FNBP4: variants seen among roughly 807,000 people sequenced by gnomAD.
The protein encoded by FNBP4 is formin-binding protein 4.
In FNBP4, 34 loss-of-function variants were observed where a neutral mutation model predicts 119.3. The ratio of observed to expected loss-of-function variants is 0.28; its 90% CI spans 0.22 to 0.38. FNBP4 has a LOEUF of 0.38. Ranked by LOEUF, FNBP4 falls within the 10% of genes least tolerant of loss-of-function variation. FNBP4 has a pLI of 1.00. For missense variants in FNBP4, 1,112 were observed against 1,228.9 expected (o/e 0.90, Z 1.42); for synonymous variants, 462 against 430.6 (o/e 1.07, Z -0.90).
chr11:47,733,073 A>G lies in FNBP4; in HGVS notation c.1687-403T>C, dbSNP rs1339189536. ...GCGGAGGTTGTGGTGAGCCGAGATC[A>G]TGCCATTGCACTCCAGCCTGGGCGA... is the stretch of plus-strand genomic sequence containing the variant. On this transcript the variant is annotated intron_variant, in intron 10 of 16. Transcript: ENST00000263773. Among the ~76,000 whole-genome samples the G allele has an allele frequency of 3.3e-5, 5 of 152,314 alleles. No individual in the cohort carries two copies. The South Asian group carries it at 8.3e-4, about 25-fold the overall frequency.
intron 8 of FNBP4, among the ~76,000 whole-genome samples, chr11:47,742,618 T>C (rs181344339): frequency 6.6e-6 from 1 of 151,872 alleles, no homozygotes; most frequent in African/African-American, 2.4e-5. Flanking sequence ...CTAGGGGTGC[T>C]GGCTCATGCC....
chr11:47,730,007 A>G (rs1263443751), intron 12 of FNBP4: 1 of 985,358 alleles, frequency 1.0e-6, no homozygotes, highest in African/African-American at 1.7e-5. Context: ...TTTACCAGAC[A>G]GTATCAACTA....
intron 2 of FNBP4, among the ~76,000 whole-genome samples, chr11:47,760,295 T>C (rs2097630863): frequency 6.6e-6 from 1 of 150,414 alleles, no homozygotes; most frequent in Non-Finnish European, 1.5e-5. Context: ...AGAGTCTTGC[T>C]CTGTCACCCA....
intron 2 of FNBP4, among the ~76,000 whole-genome samples, chr11:47,761,438 T>A (rs780251529): frequency 6.6e-6 from 1 of 151,820 alleles, no homozygotes; most frequent in Non-Finnish European, 1.5e-5. Flanking sequence ...ACTAAAAATA[T>A]AAAATTAGCT....
chr11:47,741,482 G>C (rs2097581948), intron 8 of FNBP4, among the ~76,000 whole-genome samples: 1 of 151,666 alleles, frequency 6.6e-6, no homozygotes, highest in Admixed American at 6.6e-5. Flanking sequence ...CATAACTATG[G>C]TATGTTCACT....
intron 6 of FNBP4, among the ~76,000 whole-genome samples, chr11:47,747,370 A>C (rs1212557856): frequency 2.0e-5 from 3 of 151,882 alleles, no homozygotes; most frequent in African/African-American, 7.3e-5. Context: ...AAGCCTGGCT[A>C]ATTTTTTTTG....
At chr11:47,745,485 G>A (rs1316672114) in intron 7 of FNBP4, among the ~76,000 whole-genome samples, 1 of 152,004 alleles carries the variant, frequency 6.6e-6, no homozygotes, top group Non-Finnish European at 1.5e-5. Context: ...TTATTAGGGT[G>A]GGGAAAAACC....
chr11:47,754,686 G>C (rs767640671), intron 2 of FNBP4, 22 bp from the exon 3 acceptor site: 1 of 1,609,396 alleles, frequency 6.2e-7, no homozygotes, highest in Non-Finnish European at 8.5e-7. Context: ...AAGGTAAACA[G>C]TATTTGTAAC....
intron 15 of FNBP4, 131 bp downstream of exon 15, chr11:47,722,844 GC>G: frequency 9.7e-7 from 1 of 1,029,186 alleles, no homozygotes; most frequent in South Asian, 1.9e-5. Context: ...GCCCGCCTCG[GC>G]CTCCCAAAGT....
intron 2 of FNBP4, among the ~76,000 whole-genome samples, chr11:47,756,024 GA>G (rs2097617074): frequency 6.6e-6 from 1 of 152,120 alleles, no homozygotes; most frequent in African/African-American, 2.4e-5. Context: ...AGTTAAAAAC[GA>G]AGCTTTTAAT....
intron 1 of FNBP4, among the ~76,000 whole-genome samples, chr11:47,766,230 C>T (rs907594921): frequency 6.6e-6 from 1 of 152,050 alleles, no homozygotes; most frequent in African/African-American, 2.4e-5. Context: ...GGGAGGATCG[C>T]TTGAACCCGG....
intron 2 of FNBP4, among the ~76,000 whole-genome samples, chr11:47,759,198 G>A (rs1421707755): frequency 1.4e-5 from 2 of 138,174 alleles, no homozygotes; most frequent in East Asian, 2.2e-4. Context: ...GGGATTACAG[G>A]TGTGAGACCT....
At position 47,751,265 on chromosome 11, in the gene FNBP4, C is replaced by T. The variant is rs770191590; in HGVS notation, c.663G>A (p.Gln221=). The T allele has an allele frequency of 6.2e-7, 1 of 1,614,096 alleles. No homozygotes were observed. The highest frequency in any genetic ancestry group is 1.3e-5 in the African/African-American group (1 of 75,044). ...ATCCCGTGTTCTCATCCCAGACTTC[C>T]TGCCAATCGCCCATCTCAATTCCGA... ...AGVGIEMGDW[Q]EVWDENTGCY... is the part of the protein sequence containing the mutation. The change falls in exon 5 of 17, where the codon CAG becomes CAA. Residue 221 remains glutamine (Q), a synonymous_variant. Coordinates refer to ENST00000263773, the MANE Select transcript of FNBP4 (RefSeq NM_015308.5).
chr11:47,766,146 T>C (rs541829255), intron 1 of FNBP4, among the ~76,000 whole-genome samples: 2 of 151,934 alleles, frequency 1.3e-5, no homozygotes, highest in Non-Finnish European at 2.9e-5. Context: ...GAACTCCGTC[T>C]CTACTGAAAA....
intron 12 of FNBP4, chr11:47,726,387 A>AC (rs1409467520): frequency 6.9e-6 from 1 of 145,526 alleles, no homozygotes; most frequent in Non-Finnish European, 1.5e-5. Context: ...GGTGTGCATC[A>AC]CCACACCTGC....
At chr11:47,743,690 G>C (rs749756630) in intron 8 of FNBP4, 2 of 452,332 alleles carry the variant, frequency 4.4e-6, no homozygotes, top group Non-Finnish European at 8.0e-6. Flanking sequence ...ACAGAGGCTG[G>C]GCAACGTAGA....
chr11:47,765,700 C>G (rs2135304388), intron 1 of FNBP4, among the ~76,000 whole-genome samples: 1 of 151,886 alleles, frequency 6.6e-6, no homozygotes, highest in East Asian at 1.9e-4. Context: ...GTAATCCCAA[C>G]TACTCGGGAG....
intron 10 of FNBP4, 22 bp downstream of exon 10, chr11:47,734,003 A>C (rs762159984): frequency 1.1e-4 from 90 of 830,502 alleles, no homozygotes; most frequent in Admixed American, 1.6e-4. Flanking sequence ...TTTATGCCAA[A>C]AAAAAAAAAA....
chr11:47,723,467 A>T, intron 14 of FNBP4, 151 bp from the exon 15 acceptor site: 2 of 1,238,396 alleles, frequency 1.6e-6, no homozygotes, highest in Non-Finnish European at 2.2e-6. Flanking sequence ...GTAGCAAAAT[A>T]TATTAATTTT....
Sources: allele counts gnomAD v4.1 joint callset (sites outside exome capture counted in the v4.1 genomes callset), GRCh38; gene constraint gnomAD v4.1.1; transcripts MANE v1.5; gene names NCBI Gene and HGNC (gene_info 2026-07-23, HGNC 2026-07-21).